The following PLD5 variants were observed in gnomAD, a reference collection of about 807,000 sequenced individuals.
PLD5 encodes phospholipase D family member 5, also known as inactive phospholipase D5.
Under a neutral mutation model 61.1 loss-of-function variants are expected in PLD5, and 36 were observed. The ratio of observed to expected loss-of-function variants is 0.59; its 90% CI spans 0.45 to 0.78. The LOEUF (loss-of-function observed/expected upper bound fraction) is 0.78. Among genes scored for constraint, PLD5 ranks in the 30% least tolerant of loss-of-function variants. The pLI is 0.00. For synonymous variants in PLD5, 243 were observed against 242.8 expected (o/e 1.00, Z -0.01); for missense variants, 515 against 644.4 (o/e 0.80, Z 2.17).
At chr1:242,260,252 C>A (rs1673305399) in intron 4 of PLD5, among the ~76,000 whole-genome samples, 1 of 151,216 alleles carries the variant, frequency 6.6e-6, no homozygotes, top group Admixed American at 6.6e-5. Context: ...GAGGCTGAGG[C>A]AGAAGAATCA....
chr1:242,242,006 T>C (rs374033508), intron 4 of PLD5, among the ~76,000 whole-genome samples: 10,017 of 124,658 alleles, frequency 0.08, 578 homozygotes, highest in East Asian at 0.15. Context: ...TATATATATA[T>C]ATATAGACAC....
chr1:242,101,373 G>T (rs189531742), intron 8 of PLD5, among the ~76,000 whole-genome samples: 11 of 152,202 alleles, frequency 7.2e-5, no homozygotes, highest in African/African-American at 1.9e-4. Flanking sequence ...GACTCAAAAG[G>T]TGACATTCCA....
intron 5 of PLD5, among the ~76,000 whole-genome samples, chr1:242,138,355 G>T (rs1978790): frequency 0.52 from 78,793 of 151,772 alleles, 21,305 homozygotes; most frequent in East Asian, 0.75. Context: ...ATAAAACAAA[G>T]CAGAATCTGA....
intron 1 of PLD5, among the ~76,000 whole-genome samples, chr1:242,515,150 C>T (rs1204920839): frequency 2.6e-5 from 4 of 152,108 alleles, no homozygotes; most frequent in Non-Finnish European, 5.9e-5. Flanking sequence ...CAGAAGTAAT[C>T]GCTAATTCTG....
At chr1:242,405,550 C>T (rs1664188808) in intron 1 of PLD5, among the ~76,000 whole-genome samples, 1 of 152,114 alleles carries the variant, frequency 6.6e-6, no homozygotes, top group East Asian at 1.9e-4. Flanking sequence ...ACCTTTTTCT[C>T]CAGTCATGAG....
intron 1 of PLD5, among the ~76,000 whole-genome samples, chr1:242,393,937 G>C (rs1572049303): frequency 7.0e-6 from 1 of 143,482 alleles, no homozygotes; most frequent in South Asian, 2.3e-4. Flanking sequence ...GTGCGTGCCT[G>C]TAATCCCAGC....
At chr1:242,092,239 A>G (rs531143966) in intron 9 of PLD5, among the ~76,000 whole-genome samples, 94 of 151,816 alleles carry the variant, frequency 6.2e-4, no homozygotes, top group African/African-American at 2.2e-3. Context: ...CGATTCTCCC[A>G]CCTCAGCCTC....
chr1:242,413,125 C>T (rs1290943319), intron 1 of PLD5, among the ~76,000 whole-genome samples: 3 of 152,208 alleles, frequency 2.0e-5, no homozygotes, highest in Admixed American at 2.0e-4. Context: ...AAGTTGTGAT[C>T]TGTCCCTCTG....
Position 242,265,386 on chromosome 1 carries a change from C to T in PLD5, c.558G>A (p.Val186=), listed in dbSNP as rs1364495756. 6.2e-7 allele frequency: 1 copy of T among 1,612,794 alleles called. No individual in the cohort carries two copies. Among genetic ancestry groups the T allele is most frequent in the African/African-American group, 1.3e-5 (1 of 74,878 alleles). The change falls in exon 4 of 10, where the codon GTG becomes GTA. Residue 186 remains valine (V), a synonymous_variant. Transcript: ENST00000536534. ...LTSQNIEIKL[V]SDVTADSKVL... ...CCTTTGAATCAGCTGTTACATCACT[C>T]ACTAGCTTGATTTCAATATTTTGCG... is the stretch of plus-strand genomic sequence containing the variant.
At position 242,179,371 on chromosome 1, in the gene PLD5, G is replaced by A. The variant is rs974026542; in HGVS notation, c.735+40617C>T. Reference sequence around the variant, plus strand: ...AAAAATAAATTCCAAAAGCTCTGTTGGTTTATCTGGTACCAGCAATTCTAA... The same window carrying A: ...AAAAATAAATTCCAAAAGCTCTGTTAGTTTATCTGGTACCAGCAATTCTAA... On this transcript the variant is annotated intron_variant, in intron 5 of 9. Coordinates refer to ENST00000536534, the MANE Select transcript of PLD5 (RefSeq NM_001372062.1). Among the ~76,000 whole-genome samples the A allele has an allele frequency of 2.0e-5, 3 of 152,268 alleles. No individual in the cohort carries two copies. The East Asian group carries it at 5.8e-4, about 29-fold the overall frequency.
At chr1:242,382,746 T>C (rs1035128678) in intron 1 of PLD5, among the ~76,000 whole-genome samples, 1 of 152,092 alleles carries the variant, frequency 6.6e-6, no homozygotes, top group Non-Finnish European at 1.5e-5. Context: ...ATAAAACAGT[T>C]AAGACATTTA....
At chr1:242,106,320 A>C (rs1230674401) in intron 8 of PLD5, among the ~76,000 whole-genome samples, 1 of 152,238 alleles carries the variant, frequency 6.6e-6, no homozygotes, top group Non-Finnish European at 1.5e-5. Context: ...CCAGAAATGC[A>C]CATCACTGGA....
rs1659618666 is a variant in PLD5, at chr1:242,089,105, A to T, written c.*749T>A. On this transcript the variant is annotated 3_prime_UTR_variant, in exon 10 of 10. Coordinates refer to ENST00000536534, the MANE Select transcript of PLD5 (RefSeq NM_001372062.1). ...GATTTTTTTTAAATACCAATTCGGT[A>T]GGGGAAAAAAGGATTCAGTTGAAAG... 2.6e-6 allele frequency: 1 copy of T among 383,588 alleles called. No individual in the cohort carries two copies. The highest frequency in any genetic ancestry group is 4.5e-5 in the Admixed American group (1 of 22,212). 23.8% of individuals were successfully genotyped at this position (383,588 alleles called of 1,614,324 possible). A position where few individuals can be genotyped will look rare whatever the true frequency, so the allele number is the denominator to read the frequency against.
intron 5 of PLD5, chr1:242,203,432 G>A (rs316867): frequency 0.84 from 128,630 of 152,248 alleles, 54,806 homozygotes; most frequent in African/African-American, 0.95. Flanking sequence ...TGTAATCTGG[G>A]TGTTTGTTCC....
intron 2 of PLD5, among the ~76,000 whole-genome samples, chr1:242,311,368 G>A (rs1260676625): frequency 6.6e-6 from 1 of 152,178 alleles, no homozygotes; most frequent in Non-Finnish European, 1.5e-5. Context: ...ACATCTGCAG[G>A]TTTTATTAAA....
At chr1:242,337,642 A>T (rs1234055470) in intron 2 of PLD5, among the ~76,000 whole-genome samples, 1 of 152,228 alleles carries the variant, frequency 6.6e-6, no homozygotes, top group African/African-American at 2.4e-5. Flanking sequence ...AAATAAATAA[A>T]TAAGCAAGCA....
At chr1:242,523,542 T>C (rs1348824673) in intron 1 of PLD5, among the ~76,000 whole-genome samples, 3 of 152,128 alleles carry the variant, frequency 2.0e-5, no homozygotes, top group African/African-American at 7.2e-5. Context: ...CTCTCCCTAG[T>C]TGGGCTCAAG....
chr1:242,154,006 T>C (rs1665145861), intron 5 of PLD5, among the ~76,000 whole-genome samples: 1 of 152,208 alleles, frequency 6.6e-6, no homozygotes, highest in African/African-American at 2.4e-5. Context: ...CATTTGTTTG[T>C]GTCCTCTCTT....
At chr1:242,516,598 GC>G (rs903197642) in intron 1 of PLD5, among the ~76,000 whole-genome samples, 4 of 152,134 alleles carry the variant, frequency 2.6e-5, no homozygotes, top group African/African-American at 9.6e-5. Flanking sequence ...CTTTCCCACT[GC>G]ATTACAGAGT....
Sources: gnomAD v4.1 joint callset for allele counts (sites outside exome capture counted in the v4.1 genomes callset) on GRCh38, gnomAD v4.1.1 for gene constraint, MANE v1.5 for transcripts, NCBI Gene and HGNC (gene_info 2026-07-23, HGNC 2026-07-21) for gene names.